SLC35F1: variants seen among roughly 807,000 people sequenced by gnomAD.
SLC35F1 encodes chromosome 6 open reading frame 169.
A neutral mutation model predicts 48.7 loss-of-function variants in SLC35F1; 14 were observed. The ratio of observed to expected loss-of-function variants is 0.29; its 90% CI spans 0.19 to 0.45. The LOEUF (loss-of-function observed/expected upper bound fraction) is 0.45. Ranked by LOEUF, SLC35F1 falls within the 20% of genes least tolerant of loss-of-function variation. The pLI is 1.00. For synonymous variants in SLC35F1, 190 were observed against 202.2 expected, an observed-to-expected ratio of 0.94 and a Z score of 0.51; for missense variants, 404 against 500.0, an observed-to-expected ratio of 0.81 and a Z score of 1.83.
At chr6:118,103,175 A>C (rs561227569) in intron 1 of SLC35F1, among the ~76,000 whole-genome samples, 10 of 152,172 alleles carry the variant, frequency 6.6e-5, no homozygotes, top group African/African-American at 2.4e-4. Context: ...CAACCTTAAA[A>C]GTTGATGGCT....
intron 1 of SLC35F1, among the ~76,000 whole-genome samples, chr6:118,128,552 A>G (rs1426739264): frequency 1.3e-5 from 2 of 152,120 alleles, no homozygotes; most frequent in Non-Finnish European, 1.5e-5. Context: ...TCAGTAAACT[A>G]TCGCAAGGAC....
At chr6:118,246,398 G>T (rs1028781095) in intron 3 of SLC35F1, among the ~76,000 whole-genome samples, 32 of 152,186 alleles carry the variant, frequency 2.1e-4, no homozygotes, top group African/African-American at 7.5e-4. Flanking sequence ...TGCCTATTTT[G>T]CTGGAAGATA....
chr6:117,914,270 A>G (rs58055753), intron 1 of SLC35F1, among the ~76,000 whole-genome samples: 6,011 of 152,056 alleles, frequency 0.04, 417 homozygotes, highest in African/African-American at 0.14. Context: ...AAAAAAAAAA[A>G]AGCCCTTAAA....
chr6:117,928,640 T>C (rs1366033014), intron 1 of SLC35F1, among the ~76,000 whole-genome samples: 2 of 152,208 alleles, frequency 1.3e-5, no homozygotes, highest in East Asian at 3.8e-4. Context: ...ATATAAGCCA[T>C]AGATACTAGT....
intron 1 of SLC35F1, among the ~76,000 whole-genome samples, chr6:118,140,595 TATA>T (rs1773873355): frequency 9.7e-6 from 1 of 102,824 alleles, no homozygotes; most frequent in South Asian, 3.5e-4. Flanking sequence ...GTGTATTCCT[TATA>T]TTTTTTTTTT....
chr6:117,986,982 G>A (rs1776856162), intron 1 of SLC35F1, among the ~76,000 whole-genome samples: 1 of 152,116 alleles, frequency 6.6e-6, no homozygotes, highest in African/African-American at 2.4e-5. Flanking sequence ...ATTAAAAAAT[G>A]CCTAGGGTAC....
At chr6:118,154,280 AATC>A (rs1207980833) in intron 1 of SLC35F1, among the ~76,000 whole-genome samples, 162 bp from the exon 2 acceptor site, 1 of 152,214 alleles carries the variant, frequency 6.6e-6, no homozygotes. Context: ...AAATCTCAGT[AATC>A]ATTGCACCTT....
intron 2 of SLC35F1, among the ~76,000 whole-genome samples, chr6:118,224,999 A>C (rs939870746): frequency 6.6e-6 from 1 of 152,228 alleles, no homozygotes; most frequent in Non-Finnish European, 1.5e-5. Flanking sequence ...GGAAAAATAT[A>C]AAATACTGAT....
chr6:117,918,509 G>T (rs1775855459), intron 1 of SLC35F1, among the ~76,000 whole-genome samples: 1 of 152,196 alleles, frequency 6.6e-6, no homozygotes, highest in African/African-American at 2.4e-5. Context: ...CTCTTTCTCT[G>T]TGAACTCTGA....
At chr6:117,996,049 T>C (rs1348339052) in intron 1 of SLC35F1, among the ~76,000 whole-genome samples, 2 of 152,206 alleles carry the variant, frequency 1.3e-5, no homozygotes, top group Non-Finnish European at 1.5e-5. Flanking sequence ...TGATGGAACA[T>C]TACAAAGAGT....
chr6:118,222,171 A>C (rs917026037), intron 2 of SLC35F1, among the ~76,000 whole-genome samples: 4 of 152,180 alleles, frequency 2.6e-5, no homozygotes, highest in African/African-American at 9.6e-5. Context: ...TTTGAGTCAG[A>C]AAGTCTGGGG....
At chr6:118,242,498 T>C (rs894029225) in intron 3 of SLC35F1, among the ~76,000 whole-genome samples, 2 of 152,236 alleles carry the variant, frequency 1.3e-5, no homozygotes, top group Non-Finnish European at 2.9e-5. Context: ...AGAGAGGTGG[T>C]AGCATTATCA....
chr6:118,287,528 G>T (rs1172513427), intron 7 of SLC35F1, among the ~76,000 whole-genome samples: 1 of 152,148 alleles, frequency 6.6e-6, no homozygotes, highest in Non-Finnish European at 1.5e-5. Context: ...CGAAAATCTG[G>T]TTTCACTGGG....
intron 1 of SLC35F1, among the ~76,000 whole-genome samples, chr6:118,040,680 T>G (rs746336292): frequency 3.9e-5 from 6 of 151,910 alleles, no homozygotes; most frequent in Non-Finnish European, 7.4e-5. Context: ...TAGTTTAACC[T>G]CATCCTCATC....
intron 1 of SLC35F1, among the ~76,000 whole-genome samples, chr6:118,124,182 C>T (rs1180862212): frequency 6.6e-6 from 1 of 152,146 alleles, no homozygotes; most frequent in Non-Finnish European, 1.5e-5. Flanking sequence ...TTGCCACTGA[C>T]AAGTTATGAC....
At chr6:118,243,201 G>A (rs147348622) in intron 3 of SLC35F1, among the ~76,000 whole-genome samples, 60 of 152,202 alleles carry the variant, frequency 3.9e-4, no homozygotes, top group African/African-American at 1.3e-3. Context: ...ATTAATTTCC[G>A]TAGGCTAAGT....
chr6:118,249,938 G>T (rs192123388), intron 3 of SLC35F1, among the ~76,000 whole-genome samples: 9 of 152,130 alleles, frequency 5.9e-5, no homozygotes, highest in Non-Finnish European at 1.3e-4. Flanking sequence ...TGCCCAGGGC[G>T]CTCACCTTTG....
intron 2 of SLC35F1, among the ~76,000 whole-genome samples, chr6:118,165,023 G>A (rs955208513): frequency 2.0e-5 from 3 of 152,076 alleles, no homozygotes; most frequent in Non-Finnish European, 4.4e-5. Context: ...AAGCCAAGAG[G>A]AACAATAGGA....
intron 1 of SLC35F1, among the ~76,000 whole-genome samples, chr6:117,911,195 A>T (rs1236206177): frequency 6.6e-6 from 1 of 152,162 alleles, no homozygotes; most frequent in Non-Finnish European, 1.5e-5. Flanking sequence ...ATAATTTTTT[A>T]AAATAATTAA....
Sources: allele counts gnomAD v4.1 joint callset (sites outside exome capture counted in the v4.1 genomes callset), GRCh38; gene constraint gnomAD v4.1.1; transcripts MANE v1.5; gene names NCBI Gene and HGNC (gene_info 2026-07-23, HGNC 2026-07-21).